Variants in GPD2 observed in about 807,000 individuals in gnomAD.
GPD2 encodes the protein glycerol-3-phosphate dehydrogenase 2.
GPD2 carries 54 observed loss-of-function variants against 82.4 expected under a neutral mutation model. That is an observed-to-expected ratio of 0.66 (90% CI 0.53 to 0.82). The LOEUF (loss-of-function observed/expected upper bound fraction) is 0.82. Among genes scored for constraint, GPD2 ranks in the 40% least tolerant of loss-of-function variants. The probability of loss-of-function intolerance (pLI) is 0.00; values close to 1 mark genes in which losing one functional copy is unlikely to be tolerated. For missense variants in GPD2, 748 were observed against 896.2 expected, an observed-to-expected ratio of 0.83 and a Z score of 2.11; for synonymous variants, 288 against 306.1, an observed-to-expected ratio of 0.94 and a Z score of 0.62.
At chr2:156,443,654 T>C (rs1395609906) in intron 1 of GPD2, among the ~76,000 whole-genome samples, 1 of 152,190 alleles carries the variant, frequency 6.6e-6, no homozygotes, top group Non-Finnish European at 1.5e-5. Flanking sequence ...TAAGGATATT[T>C]AGGAGAGGGA....
rs762914974 is a variant in GPD2 at position 156,513,455 on chromosome 2, T to C, written c.620T>C (p.Leu207Pro). ...KSRALEHFPM[L>P]QKDKLVGAIV... The stretch of plus-strand genomic sequence containing the variant: ...AGAGCCCTTGAACATTTCCCAATGC[T>C]CCAGAAGGACAAACTGGTAGGAGCA... Residue 207 changes from leucine to proline, a missense_variant, in exon 6 of 17, where the codon CTC becomes CCC. This residue lies in a region of GPD2 where 692 missense variants were observed against 809.7 expected (regional missense o/e 0.85). Coordinates refer to ENST00000438166, the MANE Select transcript of GPD2 (RefSeq NM_000408.5). 2 of 1,612,562 alleles carry C rather than the reference T, an allele frequency of 1.2e-6. No individual in the cohort carries two copies. The highest frequency in any genetic ancestry group is 2.2e-5 in the South Asian group (2 of 91,030).
At chr2:156,569,608 A>G in intron 11 of GPD2, 70 bp downstream of exon 11, 3 of 874,214 alleles carry the variant, frequency 3.4e-6, no homozygotes, top group Middle Eastern at 2.7e-4. Context: ...CAGAACTGGC[A>G]GCAATCAGGT....
At chr2:156,455,222 TC>T (rs1160869896) in intron 1 of GPD2, among the ~76,000 whole-genome samples, 5 of 152,146 alleles carry the variant, frequency 3.3e-5, no homozygotes. Context: ...ATTTCCTTAC[TC>T]CCAGATTCAT....
At chr2:156,559,923 A>C (rs768647563) in intron 9 of GPD2, among the ~76,000 whole-genome samples, 2 of 152,198 alleles carry the variant, frequency 1.3e-5, no homozygotes, top group Non-Finnish European at 2.9e-5. Flanking sequence ...ATTATATTTT[A>C]ACATATTCAT....
intron 6 of GPD2, among the ~76,000 whole-genome samples, chr2:156,549,244 A>G (rs1686661302): frequency 6.6e-6 from 1 of 152,222 alleles, no homozygotes. Context: ...TAAAGTTTTG[A>G]ATTGCTTCAC....
the GPD2 span, among the ~76,000 whole-genome samples, chr2:156,427,429 A>G: frequency 6.6e-6 from 1 of 152,194 alleles, no homozygotes; most frequent in Non-Finnish European, 1.5e-5. Flanking sequence ...ATTTTTTTCA[A>G]ACTTGTTTTA....
chr2:156,440,900 G>C (rs1682144826), intron 1 of GPD2, among the ~76,000 whole-genome samples: 1 of 152,166 alleles, frequency 6.6e-6, no homozygotes, highest in Non-Finnish European at 1.5e-5. Context: ...TGAGATGACA[G>C]GTGACTCTTG....
intron 16 of GPD2, among the ~76,000 whole-genome samples, chr2:156,580,751 T>C (rs992012492): frequency 2.0e-5 from 3 of 152,194 alleles, no homozygotes; most frequent in African/African-American, 4.8e-5. Context: ...GATAAGAGCA[T>C]TGTTGAATCT....
At chr2:156,528,362 G>A (rs1313869370) in intron 6 of GPD2, among the ~76,000 whole-genome samples, 1 of 151,524 alleles carries the variant, frequency 6.6e-6, no homozygotes, top group African/African-American at 2.4e-5. Context: ...TTAAGTATGA[G>A]CAAAGAGAGA....
chr2:156,564,842 A>G (rs1574006502), intron 9 of GPD2, among the ~76,000 whole-genome samples: 1 of 152,126 alleles, frequency 6.6e-6, no homozygotes, highest in Non-Finnish European at 1.5e-5. Flanking sequence ...AAAAAGCTGA[A>G]TCCTAAGATG....
intron 6 of GPD2, among the ~76,000 whole-genome samples, chr2:156,528,678 A>G (rs1685708482): frequency 1.4e-5 from 2 of 145,954 alleles, no homozygotes; most frequent in African/African-American, 5.1e-5. Context: ...TATGAGTGAG[A>G]ATATGTGGTG....
chr2:156,473,672 T>C (rs1683407913), intron 1 of GPD2: 2 of 152,190 alleles, frequency 1.3e-5, no homozygotes, highest in African/African-American at 4.8e-5. Flanking sequence ...TTATTCTCTG[T>C]CTCCAGTTGT....
At chr2:156,511,271 G>A (rs1684989177) in intron 4 of GPD2, among the ~76,000 whole-genome samples, 1 of 152,182 alleles carries the variant, frequency 6.6e-6, no homozygotes, top group Non-Finnish European at 1.5e-5. Flanking sequence ...AATGCAGGGG[G>A]AGTGCGAAAT....
chr2:156,571,051 AT>A, intron 12 of GPD2, 82 bp from the exon 13 acceptor site: 1 of 933,642 alleles, frequency 1.1e-6, no homozygotes, highest in South Asian at 1.3e-5. Context: ...TGAAGCACAC[AT>A]TTATTTTTTT....
intron 6 of GPD2, among the ~76,000 whole-genome samples, chr2:156,548,436 G>A (rs566577817): frequency 1.3e-5 from 2 of 152,214 alleles, no homozygotes; most frequent in East Asian, 3.9e-4. Flanking sequence ...ACTTGATAGA[G>A]CATTTAATTT....
At chr2:156,409,735 G>A in the GPD2 span, among the ~76,000 whole-genome samples, 1 of 152,052 alleles carries the variant, frequency 6.6e-6, no homozygotes, top group Admixed American at 6.6e-5. Flanking sequence ...GAAAGTCAAG[G>A]AACAATTCAG....
chr2:156,426,504 T>C, the GPD2 span, among the ~76,000 whole-genome samples: 1 of 152,228 alleles, frequency 6.6e-6, no homozygotes, highest in Non-Finnish European at 1.5e-5. Context: ...ATGGGAATTA[T>C]AATTCAAAAT....
chr2:156,512,245 A>G lies in GPD2; in HGVS notation c.425A>G (p.His142Arg). Residue 142 changes from histidine to arginine, a missense_variant, in exon 5 of 17, where the codon CAT becomes CGT. Transcript: ENST00000438166. ...TATAGGATGGTAAAAGAAGCCCTTC[A>G]TGAGCGTGCCAACCTGCTAGAAATT... ...EQYRMVKEAL[H>R]ERANLLEIAP... 1 of 1,596,614 alleles carries G rather than the reference A, an allele frequency of 6.3e-7. No homozygotes were observed. Among genetic ancestry groups the G allele is most frequent in the Non-Finnish European group, 8.6e-7 (1 of 1,164,088 alleles).
In GPD2 at chr2:156,585,332, C is replaced by T. The variant is rs1018501572; in HGVS notation, c.*2414C>T. The T allele has an allele frequency of 2.0e-5, 3 of 150,824 alleles. No homozygotes were observed. The highest frequency in any genetic ancestry group is 4.9e-5 in the African/African-American group (2 of 41,032). The allele number at this position is 150,824 out of a possible 1,614,324, so 9.3% of individuals were successfully genotyped here. A position where few individuals can be genotyped will look rare whatever the true frequency, so the allele number is the denominator to read the frequency against. On this transcript the variant is annotated 3_prime_UTR_variant, in exon 17 of 17. Coordinates refer to ENST00000438166, the MANE Select transcript of GPD2 (RefSeq NM_000408.5). ...TGACATCAGTTGATTCTGTTGGGGT[C>T]GGGGTGGGTATGCAGGGATTGCCTT...
Sources: gnomAD v4.1 joint callset for allele counts (sites outside exome capture counted in the v4.1 genomes callset) on GRCh38, gnomAD v4.1.1 for gene constraint, gnomAD v4.1.1 regional missense constraint, MANE v1.5 for transcripts, NCBI Gene and HGNC (gene_info 2026-07-23, HGNC 2026-07-21) for gene names.